Variants in SCLT1 observed in about 807,000 individuals in gnomAD.
SCLT1 encodes the protein sodium channel and clathrin linker 1.
SCLT1 carries 78 observed loss-of-function variants against 112.8 expected under a neutral mutation model. The observed-to-expected ratio is 0.69, with a 90% confidence interval of 0.58 to 0.83. The LOEUF (loss-of-function observed/expected upper bound fraction) is 0.83. Among genes scored for constraint, SCLT1 ranks in the 40% least tolerant of loss-of-function variants. SCLT1 has a pLI of 0.00. For synonymous variants in SCLT1, 257 were observed against 254.7 expected, an observed-to-expected ratio of 1.01 and a Z score of -0.09; for missense variants, 747 against 770.4, an observed-to-expected ratio of 0.97 and a Z score of 0.36.
intron 18 of SCLT1, among the ~76,000 whole-genome samples, chr4:128,894,581 C>G (rs1272636686): frequency 6.6e-6 from 1 of 152,166 alleles, no homozygotes; most frequent in African/African-American, 2.4e-5. Context: ...CATTGTCCCA[C>G]AAATCTACTT....
chr4:128,897,024 T>G (rs1191174831), intron 18 of SCLT1, among the ~76,000 whole-genome samples: 1 of 152,086 alleles, frequency 6.6e-6, no homozygotes, highest in African/African-American at 2.4e-5. Flanking sequence ...TGGGACTATG[T>G]GAAAAGACCA....
intron 5 of SCLT1, among the ~76,000 whole-genome samples, chr4:129,020,680 C>G (rs1745390201): frequency 6.6e-6 from 1 of 152,162 alleles, no homozygotes; most frequent in Non-Finnish European, 1.5e-5. Flanking sequence ...TTTCCCAGTT[C>G]TAGTTAAAAT....
At chr4:129,071,909 C>T (rs961547214) in intron 2 of SCLT1, among the ~76,000 whole-genome samples, 5 of 151,908 alleles carry the variant, frequency 3.3e-5, no homozygotes, top group African/African-American at 1.2e-4. Flanking sequence ...TTTTATAGGT[C>T]CTGTGTGATT....
intron 18 of SCLT1, among the ~76,000 whole-genome samples, chr4:128,914,303 T>C (rs564833206): frequency 6.6e-5 from 10 of 151,848 alleles, no homozygotes; most frequent in African/African-American, 1.7e-4. Context: ...GAGGTGGAGA[T>C]TGTAGTGAAC....
At chr4:129,007,151 C>T (rs1261302459) in intron 5 of SCLT1, among the ~76,000 whole-genome samples, 3 of 150,846 alleles carry the variant, frequency 2.0e-5, no homozygotes, top group African/African-American at 4.9e-5. Flanking sequence ...CTGAGAGTTG[C>T]TTTTTTTTTG....
chr4:128,877,016 C>A (rs780369958), intron 3 of SCLT1, among the ~76,000 whole-genome samples: 1 of 152,200 alleles, frequency 6.6e-6, no homozygotes, highest in Non-Finnish European at 1.5e-5. Flanking sequence ...TTACTGGTTT[C>A]CTTAACACAA....
At chr4:128,873,876 A>AT (rs1427930616) in intron 5 of SCLT1, 2 of 152,686 alleles carry the variant, frequency 1.3e-5, no homozygotes, top group African/African-American at 4.8e-5. Flanking sequence ...AAAAAGGCTT[A>AT]TTGAATCCCA....
intron 5 of SCLT1, chr4:128,873,475 T>C (rs1011794930): frequency 6.6e-6 from 1 of 152,608 alleles, no homozygotes; most frequent in Non-Finnish European, 1.5e-5. Context: ...GACTTTCTAA[T>C]TGCAAATGGC....
At chr4:128,935,053 A>G (rs1052313132) in intron 18 of SCLT1, among the ~76,000 whole-genome samples, 1 of 151,982 alleles carries the variant, frequency 6.6e-6, no homozygotes, top group African/African-American at 2.4e-5. Context: ...TGCTTTTTCT[A>G]TATCTATTGA....
intron 12 of SCLT1, among the ~76,000 whole-genome samples, chr4:128,958,600 C>T (rs1347971924): frequency 4.6e-5 from 7 of 152,086 alleles, no homozygotes; most frequent in African/African-American, 1.7e-4. Flanking sequence ...TATAAGAGTG[C>T]TCATACAAGT....
chr4:129,084,662 G>A (rs915612885), intron 1 of SCLT1, among the ~76,000 whole-genome samples: 16 of 152,066 alleles, frequency 1.1e-4, no homozygotes, highest in Non-Finnish European at 1.6e-4. Context: ...TGGTACTGGT[G>A]CAAAAAACAG....
intron 19 of SCLT1, among the ~76,000 whole-genome samples, 170 bp from the exon 20 acceptor site, chr4:128,888,944 T>C (rs1244689919): frequency 6.6e-6 from 1 of 152,238 alleles, no homozygotes; most frequent in Non-Finnish European, 1.5e-5. Flanking sequence ...CAAACTTTGT[T>C]TTACATTCTT....
At chr4:128,908,492 C>T (rs1032504067) in intron 18 of SCLT1, among the ~76,000 whole-genome samples, 1 of 151,880 alleles carries the variant, frequency 6.6e-6, no homozygotes, top group Admixed American at 6.6e-5. Flanking sequence ...GGTGCAAATG[C>T]TGTGTAGTTC....
chr4:128,914,988 C>T (rs562834469), intron 18 of SCLT1, among the ~76,000 whole-genome samples: 25 of 152,076 alleles, frequency 1.6e-4, no homozygotes, highest in African/African-American at 5.3e-4. Context: ...TAAAGGGGCA[C>T]GGCATACTAG....
At chr4:129,010,254 A>G (rs1273115045) in intron 5 of SCLT1, among the ~76,000 whole-genome samples, 1 of 152,048 alleles carries the variant, frequency 6.6e-6, no homozygotes, top group Non-Finnish European at 1.5e-5. Flanking sequence ...TGGGTTCTCT[A>G]TTCTGTTGCA....
intron 5 of SCLT1, among the ~76,000 whole-genome samples, chr4:129,030,907 T>C (rs1177678261): frequency 6.6e-6 from 1 of 152,024 alleles, no homozygotes; most frequent in Admixed American, 6.6e-5. Flanking sequence ...GTAGAGGAGC[T>C]GGTAGCATTC....
Position 128,970,429 on chromosome 4 carries a change from C to T in SCLT1, c.726G>A (p.Val242=). The T allele has an allele frequency of 6.2e-7, 1 of 1,609,510 alleles. No individual in the cohort carries two copies. Among genetic ancestry groups the T allele is most frequent in the Non-Finnish European group, 8.5e-7 (1 of 1,176,446 alleles). The change falls in exon 10 of 21, where the codon GTG becomes GTA. Residue 242 remains valine, a synonymous_variant. Transcript: ENST00000281142. ...KLELRVAVAK[V]EELTNVTEDL... ...CTTCAGTCACATTAGTTAACTCTTC[C>T]ACTTTTGCTACAGCAACTCTCAGCT...
chr4:128,965,154 T>G (rs1740066148), intron 11 of SCLT1, 73 bp downstream of exon 11: 1 of 754,476 alleles, frequency 1.3e-6, no homozygotes, highest in African/African-American at 1.8e-5. Context: ...CTAGTAAATA[T>G]CACACACTGA....
intron 2 of SCLT1, among the ~76,000 whole-genome samples, chr4:129,052,052 C>G (rs1309160049): frequency 3.9e-5 from 6 of 152,084 alleles, no homozygotes; most frequent in Non-Finnish European, 5.9e-5. Context: ...TATGTTAAAC[C>G]CGCCTTGCAT....
Sources: allele counts gnomAD v4.1 joint callset (sites outside exome capture counted in the v4.1 genomes callset), GRCh38; gene constraint gnomAD v4.1.1; transcripts MANE v1.5; gene names NCBI Gene and HGNC (gene_info 2026-07-23, HGNC 2026-07-21).